The following INTS9 variants were observed in gnomAD, a reference collection of about 807,000 sequenced individuals.
INTS9 encodes the protein protein related to CPSF subunits of 74 kDa.
INTS9 carries 55 observed loss-of-function variants against 79.7 expected under a neutral mutation model. The ratio of observed to expected loss-of-function variants is 0.69; its 90% confidence interval spans 0.56 to 0.86. The LOEUF (loss-of-function observed/expected upper bound fraction) is 0.86, where lower values mean the gene tolerates loss of function less well. INTS9 is among the 40% of genes least tolerant of loss of function. The pLI, the probability that INTS9 is intolerant of heterozygous loss-of-function variation, is 0.00. For missense variants in INTS9, 721 were observed against 831.5 expected, an observed-to-expected ratio of 0.87 and a Z score of 1.64; for synonymous variants, 319 against 325.2, an observed-to-expected ratio of 0.98 and a Z score of 0.20.
intron 5 of INTS9, 54 bp from the exon 6 acceptor site, chr8:28,835,432 C>A: frequency 7.7e-7 from 1 of 1,299,604 alleles, no homozygotes. Flanking sequence ...AGAGAAACAC[C>A]CCATACTCTA....
chr8:28,787,423 T>G (rs188323438), intron 11 of INTS9, among the ~76,000 whole-genome samples: 18 of 152,338 alleles, frequency 1.2e-4, no homozygotes, highest in Middle Eastern at 3.4e-3. Flanking sequence ...ATGAATTGCA[T>G]GAACATGGTA....
At chr8:28,809,340 G>A (rs1804980934) in intron 8 of INTS9, among the ~76,000 whole-genome samples, 2 of 152,100 alleles carry the variant, frequency 1.3e-5, no homozygotes, top group Non-Finnish European at 2.9e-5. Context: ...GCCAAAATAG[G>A]TGGCATGCTA....
chr8:28,887,516 C>A (rs1435352302), intron 1 of INTS9, among the ~76,000 whole-genome samples: 1 of 152,114 alleles, frequency 6.6e-6, no homozygotes, highest in African/African-American at 2.4e-5. Context: ...AAGTGAATCT[C>A]AAAAATGAGA....
chr8:28,832,490 A>T (rs1280703574), intron 6 of INTS9, among the ~76,000 whole-genome samples: 2 of 152,226 alleles, frequency 1.3e-5, no homozygotes, highest in Non-Finnish European at 2.9e-5. Flanking sequence ...GCTGACACGC[A>T]CATGAGAAGA....
rs747362498 is a variant in INTS9 at position 28,812,339 on chromosome 8, G to C, written c.732C>G (p.Thr244=). The C allele has an allele frequency of 6.2e-7, 1 of 1,613,908 alleles. No homozygotes were observed. Among genetic ancestry groups the C allele is most frequent in the Non-Finnish European group, 8.5e-7 (1 of 1,179,892 alleles). The change falls in exon 8 of 17, where the codon ACC becomes ACG. Residue 244 remains threonine (T), a synonymous_variant. Transcript: ENST00000521022. ...VSYVSGSSLL[T]THPQPMDQAS... ...AATTTGGAATTACCTGGGGGTGTGT[G>C]GTAAGCAAGGAGGATCCAGAGACAT...
chr8:28,861,116 G>A (rs1369986934), intron 1 of INTS9, among the ~76,000 whole-genome samples: 1 of 152,154 alleles, frequency 6.6e-6, no homozygotes, highest in Non-Finnish European at 1.5e-5. Context: ...AGGCACTTAC[G>A]ATAAAAACAA....
At chr8:28,875,579 C>CA (rs978254079) in intron 1 of INTS9, among the ~76,000 whole-genome samples, 5 of 152,076 alleles carry the variant, frequency 3.3e-5, no homozygotes, top group African/African-American at 9.6e-5. Flanking sequence ...TGGTTTGCTG[C>CA]AAAAAATCAA....
chr8:28,854,995 T>C (rs1808063177), intron 2 of INTS9, among the ~76,000 whole-genome samples: 1 of 152,222 alleles, frequency 6.6e-6, no homozygotes, highest in Non-Finnish European at 1.5e-5. Context: ...TAGTATTCCA[T>C]GGTGAACAGC....
chr8:28,869,878 C>A (rs1378375450), intron 1 of INTS9, among the ~76,000 whole-genome samples: 1 of 152,034 alleles, frequency 6.6e-6, no homozygotes, highest in African/African-American at 2.4e-5. Context: ...GAGTAACTGC[C>A]ACTTAGGGCT....
intron 1 of INTS9, among the ~76,000 whole-genome samples, chr8:28,873,435 G>A (rs532606355): frequency 6.6e-6 from 1 of 152,224 alleles, no homozygotes; most frequent in East Asian, 1.9e-4. Context: ...AAACTTTCAG[G>A]TCAACATAAT....
At chr8:28,836,622 C>T (rs752961386) in intron 5 of INTS9, among the ~76,000 whole-genome samples, 1 of 152,178 alleles carries the variant, frequency 6.6e-6, no homozygotes, top group Non-Finnish European at 1.5e-5. Context: ...GATTCAGGCT[C>T]ACTGGTGTCC....
chr8:28,783,142 C>CA (rs559306996), intron 11 of INTS9, among the ~76,000 whole-genome samples: 3,082 of 111,342 alleles, frequency 0.028, 302 homozygotes, highest in African/African-American at 0.09. Flanking sequence ...GACTCCGTCT[C>CA]AAAAAAAAAA....
chr8:28,845,545 T>A (rs1807456797), intron 4 of INTS9, among the ~76,000 whole-genome samples: 1 of 152,164 alleles, frequency 6.6e-6, no homozygotes, highest in South Asian at 2.1e-4. Context: ...CAGAAAGCCA[T>A]CGGGACAGCA....
chr8:28,775,346 G>A (rs1802804089), intron 14 of INTS9, among the ~76,000 whole-genome samples: 1 of 152,146 alleles, frequency 6.6e-6, no homozygotes. Flanking sequence ...CATGTTCTTT[G>A]TTCATTCATA....
chr8:28,865,965 T>C (rs1041642475), intron 1 of INTS9, among the ~76,000 whole-genome samples: 2 of 152,092 alleles, frequency 1.3e-5, no homozygotes, highest in African/African-American at 4.8e-5. Flanking sequence ...TTGCAATGTA[T>C]AGTGCATTCT....
chr8:28,812,568 A>C, intron 7 of INTS9, 107 bp from the exon 8 acceptor site: 1 of 1,252,358 alleles, frequency 8.0e-7, no homozygotes, highest in Non-Finnish European at 1.1e-6. Context: ...AAAAACAAAA[A>C]TTATTTTAAA....
intron 8 of INTS9, among the ~76,000 whole-genome samples, chr8:28,803,166 T>C (rs1482229220): frequency 6.6e-6 from 1 of 152,066 alleles, no homozygotes; most frequent in African/African-American, 2.4e-5. Flanking sequence ...CGTCTAGGTA[T>C]ATGTAGCTTT....
At chr8:28,815,404 G>T (rs562711564) in intron 6 of INTS9, among the ~76,000 whole-genome samples, 2 of 152,096 alleles carry the variant, frequency 1.3e-5, no homozygotes, top group Non-Finnish European at 2.9e-5. Flanking sequence ...AGAAATAAAA[G>T]AAAACATCAT....
At chr8:28,831,838 A>G (rs1256033541) in intron 6 of INTS9, among the ~76,000 whole-genome samples, 7 of 152,070 alleles carry the variant, frequency 4.6e-5, no homozygotes, top group African/African-American at 1.7e-4. Flanking sequence ...AGCTGGAACT[A>G]CAGGTGCCCA....
Sources: allele counts gnomAD v4.1 joint callset (sites outside exome capture counted in the v4.1 genomes callset), GRCh38; gene constraint gnomAD v4.1.1; transcripts MANE v1.5; gene names NCBI Gene and HGNC (gene_info 2026-07-23, HGNC 2026-07-21).